The following PTPRN2 variants were observed in gnomAD, a reference collection of about 807,000 sequenced individuals.
PTPRN2 encodes protein tyrosine phosphatase receptor type N2, also known as receptor-type tyrosine-protein phosphatase N2.
PTPRN2 carries 74 observed loss-of-function variants against 118.8 expected under a neutral mutation model. The observed-to-expected ratio is 0.62, with a 90% confidence interval of 0.52 to 0.76. The LOEUF (loss-of-function observed/expected upper bound fraction) is 0.76, where lower values mean the gene tolerates loss of function less well. Among genes scored for constraint, PTPRN2 ranks in the 30% least tolerant of loss-of-function variants. The pLI is 0.00. For missense variants in PTPRN2, 1,481 were observed against 1,394.4 expected (o/e 1.06, Z -0.99); for synonymous variants, 641 against 608.0 (o/e 1.05, Z -0.80).
chr7:157,992,063 C>T (rs1249863217), intron 11 of PTPRN2, among the ~76,000 whole-genome samples: 3 of 152,234 alleles, frequency 2.0e-5, no homozygotes, highest in African/African-American at 4.8e-5. Flanking sequence ...ACAGCCCATT[C>T]GCCCAGGGAG....
chr7:157,850,938 T>A (rs1809232991), intron 12 of PTPRN2, among the ~76,000 whole-genome samples: 1 of 152,238 alleles, frequency 6.6e-6, no homozygotes, highest in Non-Finnish European at 1.5e-5. Flanking sequence ...TCTTCCCTAT[T>A]CTTGGTTTAC....
chr7:157,857,558 C>T (rs549716314), intron 12 of PTPRN2: 2 of 152,448 alleles, frequency 1.3e-5, no homozygotes, highest in Admixed American at 1.3e-4. Context: ...GGTGAGGCTC[C>T]TACACCCACC....
chr7:157,576,855 C>G (rs1371322588), intron 18 of PTPRN2, 76 bp from the exon 19 acceptor site: 18 of 1,388,312 alleles, frequency 1.3e-5, no homozygotes, highest in Non-Finnish European at 1.8e-5. Context: ...ACTGAGGAAC[C>G]CAGGGCCACG....
At chr7:158,097,036 C>A (rs1348662780) in intron 10 of PTPRN2, among the ~76,000 whole-genome samples, 1 of 152,174 alleles carries the variant, frequency 6.6e-6, no homozygotes, top group African/African-American at 2.4e-5. Flanking sequence ...AGAGAGCCAA[C>A]CCAGGGAATG....
chr7:158,239,429 G>A (rs139761453), intron 3 of PTPRN2, among the ~76,000 whole-genome samples: 16 of 152,262 alleles, frequency 1.1e-4, no homozygotes, highest in Admixed American at 2.6e-4. Flanking sequence ...CCAACGCTCC[G>A]TAGCGCGGCC....
intron 11 of PTPRN2, among the ~76,000 whole-genome samples, chr7:157,994,259 C>T (rs1353645546): frequency 1.3e-5 from 2 of 152,182 alleles, no homozygotes; most frequent in East Asian, 3.9e-4. Flanking sequence ...AATGGTAACC[C>T]GCCACTGCTT....
chr7:157,909,262 G>A (rs151261226), intron 11 of PTPRN2, among the ~76,000 whole-genome samples: 28 of 152,274 alleles, frequency 1.8e-4, no homozygotes, highest in Non-Finnish European at 3.4e-4. Flanking sequence ...AAAGTATGAA[G>A]CATTTTTTTA....
intron 13 of PTPRN2, among the ~76,000 whole-genome samples, chr7:157,680,184 C>A (rs1444755576): frequency 6.6e-6 from 1 of 152,194 alleles, no homozygotes; most frequent in Non-Finnish European, 1.5e-5. Flanking sequence ...GTAGTTCCAG[C>A]ATGTCCCCAT....
Position 158,097,710 on chromosome 7 carries a change from G to A in PTPRN2, c.1643+13119C>T, listed in dbSNP as rs576143006. Among the ~76,000 whole-genome samples the A allele has an allele frequency of 2.6e-5, 4 of 152,350 alleles. No homozygotes were observed. The East Asian group carries it at 5.8e-4, about 22-fold the overall frequency. The stretch of plus-strand genomic sequence containing the variant: ...AGCCACAATCACGTCGTAAAAACCC[G>A]GCTGCGGTCACTGCCGGTCTGCTGG... On this transcript the variant is annotated intron_variant, in intron 10 of 22. Coordinates refer to ENST00000389418, the MANE Select transcript of PTPRN2 (RefSeq NM_002847.5).
rs371834930 is a variant in PTPRN2, at chr7:157,786,079, G to A, written c.1789-103142C>T. 1.1e-4 allele frequency among the ~76,000 whole-genome samples: 17 copies of A among 152,306 alleles called. No homozygotes were observed. The South Asian group carries it at 3.1e-3, about 28-fold the overall frequency. On this transcript the variant is annotated intron_variant, in intron 12 of 22. Coordinates refer to ENST00000389418, the MANE Select transcript of PTPRN2 (RefSeq NM_002847.5). The stretch of plus-strand genomic sequence containing the variant: ...GGGGCACGAGCGTTAGCCGCACTCC[G>A]AGTGCGCGCCAAGGGCTTCAGCTGG...
At chr7:157,863,488 T>C (rs976130152) in intron 12 of PTPRN2, 3 of 152,246 alleles carry the variant, frequency 2.0e-5, no homozygotes, top group Admixed American at 6.5e-5. Flanking sequence ...AACACCTGGC[T>C]GGGCCAGACT....
chr7:157,661,990 A>G (rs1261034657), intron 13 of PTPRN2, among the ~76,000 whole-genome samples: 1 of 152,196 alleles, frequency 6.6e-6, no homozygotes, highest in Non-Finnish European at 1.5e-5. Flanking sequence ...TCTTCAGAGG[A>G]GCAGGATGAG....
At chr7:157,848,620 A>G (rs1809050927) in intron 12 of PTPRN2, among the ~76,000 whole-genome samples, 2 of 152,256 alleles carry the variant, frequency 1.3e-5, no homozygotes, top group South Asian at 4.1e-4. Flanking sequence ...CCACCAGTCA[A>G]TGAAGCCACA....
At chr7:158,189,092 C>T (rs1197770091) in intron 5 of PTPRN2, among the ~76,000 whole-genome samples, 1 of 152,190 alleles carries the variant, frequency 6.6e-6, no homozygotes, top group African/African-American at 2.4e-5. Flanking sequence ...CCCAATGGCT[C>T]ATAGCACGAA....
chr7:158,125,611 C>A (rs1461661798), intron 9 of PTPRN2, among the ~76,000 whole-genome samples: 1 of 152,178 alleles, frequency 6.6e-6, no homozygotes, highest in African/African-American at 2.4e-5. Context: ...GATAATAAAT[C>A]CATCATGCTA....
intron 11 of PTPRN2, among the ~76,000 whole-genome samples, chr7:157,933,254 G>A (rs1198217334): frequency 1.4e-5 from 2 of 139,734 alleles, no homozygotes; most frequent in Non-Finnish European, 3.1e-5. Context: ...GGAGGGGTGA[G>A]TCACTCATTG....
Position 157,610,419 on chromosome 7 carries a change from A to AG in PTPRN2, c.2345-6345dup, listed in dbSNP as rs1404446843. On this transcript the variant is annotated intron_variant, in intron 15 of 22. Coordinates refer to ENST00000389418, the MANE Select transcript of PTPRN2 (RefSeq NM_002847.5). The surrounding 1 kb of genome is among the most constrained non-coding windows in gnomAD (Gnocchi z 5.1). ...GATGGTGTGGCCTGTGGAGAGGTGG[A>AG]GCCGGTGTCTTGCTCCTAGAGGGAG... Among the ~76,000 whole-genome samples the AG allele has an allele frequency of 1.3e-5, 2 of 152,126 alleles. No individual in the cohort carries two copies. The highest frequency in any genetic ancestry group is 4.8e-5 in the African/African-American group (2 of 41,410).
chr7:158,429,459 C>T (rs969707715), intron 2 of PTPRN2, among the ~76,000 whole-genome samples: 34 of 152,274 alleles, frequency 2.2e-4, no homozygotes, highest in African/African-American at 7.7e-4. Flanking sequence ...ACCATCTCTG[C>T]CTCGTTCCCA....
At chr7:158,131,005 C>T (rs1818188402) in intron 9 of PTPRN2, among the ~76,000 whole-genome samples, 1 of 151,238 alleles carries the variant, frequency 6.6e-6, no homozygotes, top group African/African-American at 2.4e-5. Context: ...AATCGACACA[C>T]TACCTGACAT....
Sources: allele counts gnomAD v4.1 joint callset (sites outside exome capture counted in the v4.1 genomes callset), GRCh38; gene constraint gnomAD v4.1.1; non-coding constraint Gnocchi (gnomAD v3.1); transcripts MANE v1.5; gene names NCBI Gene and HGNC (gene_info 2026-07-23, HGNC 2026-07-21).